ASAP2: variants seen among roughly 807,000 people sequenced by gnomAD.
ASAP2 encodes the protein arf-GAP with SH3 domain, ANK repeat and PH domain-containing protein 2.
ASAP2 carries 45 observed loss-of-function variants against 131.4 expected under a neutral mutation model. The observed-to-expected ratio is 0.34, with a 90% CI of 0.27 to 0.44. The LOEUF (loss-of-function observed/expected upper bound fraction) is 0.44. Among genes scored for constraint, ASAP2 ranks in the 20% least tolerant of loss-of-function variants. ASAP2 has a pLI of 1.00. For synonymous variants in ASAP2, 510 were observed against 503.0 expected, an observed-to-expected ratio of 1.01 and a Z score of -0.19; for missense variants, 1,011 against 1,297.0, an observed-to-expected ratio of 0.78 and a Z score of 3.39.
intron 1 of ASAP2, among the ~76,000 whole-genome samples, chr2:9,247,475 C>T (rs1398310507): frequency 2.6e-5 from 4 of 152,204 alleles, no homozygotes; most frequent in East Asian, 3.8e-4. Context: ...TTCGGTCCAT[C>T]GTCTAGCTTT....
intron 1 of ASAP2, among the ~76,000 whole-genome samples, chr2:9,229,651 C>A (rs13405805): frequency 0.21 from 32,287 of 152,114 alleles, 3,670 homozygotes; most frequent in African/African-American, 0.25. Flanking sequence ...GCCAGGATTG[C>A]CTGCGTTAGG....
At chr2:9,365,825 A>C (rs1212381329) in intron 15 of ASAP2, among the ~76,000 whole-genome samples, 1 of 152,196 alleles carries the variant, frequency 6.6e-6, no homozygotes, top group Non-Finnish European at 1.5e-5. Flanking sequence ...AGGGTGCCTC[A>C]TGCCTCATGC....
chr2:9,320,253 T>A, intron 4 of ASAP2, 35 bp from the exon 5 acceptor site: 12 of 1,557,910 alleles, frequency 7.7e-6, no homozygotes, highest in Non-Finnish European at 1.1e-5. Context: ...AAGTGAATGA[T>A]TAGTCTTGCC....
rs916111084 is a variant in ASAP2, at chr2:9,232,973, G to A, written c.126+25743G>A. Among the ~76,000 whole-genome samples the A allele has an allele frequency of 6.6e-6, 1 of 152,204 alleles. No individual in the cohort carries two copies. The highest frequency in any genetic ancestry group is 2.4e-5 in the African/African-American group (1 of 41,456). On this transcript the variant is annotated intron_variant, in intron 1 of 27. Coordinates refer to ENST00000281419, the MANE Select transcript of ASAP2 (RefSeq NM_003887.3). This position sits in a 1 kb window ranked among gnomAD's most constrained non-coding sequence, Gnocchi z 4.1. ...GCTGCAGTTTTGTTCTGTATCTATT[G>A]CCAGCAGGAATCCAAGGATTTCCTT...
At chr2:9,348,023 G>A (rs1412171182) in intron 11 of ASAP2, among the ~76,000 whole-genome samples, 1 of 152,228 alleles carries the variant, frequency 6.6e-6, no homozygotes, top group African/African-American at 2.4e-5. Context: ...ACTAAACTAG[G>A]GCTTCTCAAA....
intron 3 of ASAP2, among the ~76,000 whole-genome samples, chr2:9,316,040 C>T (rs1001730412): frequency 6.6e-6 from 1 of 152,004 alleles, no homozygotes; most frequent in South Asian, 2.1e-4. Flanking sequence ...AAATTTAGTC[C>T]AGGCGTGGTG....
intron 1 of ASAP2, among the ~76,000 whole-genome samples, chr2:9,226,553 T>C (rs1025707880): frequency 3.3e-5 from 5 of 152,160 alleles, no homozygotes; most frequent in African/African-American, 1.2e-4. Flanking sequence ...TGAAGGGCTT[T>C]GTGGTAAAGG....
At chr2:9,301,391 C>T (rs1668462253) in intron 3 of ASAP2, among the ~76,000 whole-genome samples, 1 of 152,274 alleles carries the variant, frequency 6.6e-6, no homozygotes, top group East Asian at 1.9e-4. Flanking sequence ...AAAGGGAAAA[C>T]CAGACGGCTC....
intron 2 of ASAP2, 42 bp downstream of exon 2, chr2:9,279,431 G>A (rs1414066836): frequency 1.3e-6 from 2 of 1,588,892 alleles, no homozygotes; most frequent in Non-Finnish European, 1.7e-6. Flanking sequence ...TGTGGAAAAT[G>A]TCGCATTTGA....
chr2:9,391,704 A>G (rs1001913717), intron 23 of ASAP2, among the ~76,000 whole-genome samples: 1 of 148,486 alleles, frequency 6.7e-6, no homozygotes, highest in Non-Finnish European at 1.5e-5. Context: ...CCTCCCAGGT[A>G]GCTGGGATTA....
intron 1 of ASAP2, chr2:9,271,503 C>T (rs534465082): frequency 1.4e-5 from 20 of 1,443,156 alleles, no homozygotes; most frequent in Non-Finnish European, 1.9e-5. Flanking sequence ...TAGTAAGGGC[C>T]TTCCTGCCGT....
rs1259541649 is a variant in ASAP2, at chr2:9,403,441, A to T, written c.*114A>T. ...TTTGTATGGCAGCCCATGTTCTCTA[A>T]TGCCACTGCTCTGTTTTAAAAACTC... On this transcript the variant is annotated 3_prime_UTR_variant, in exon 28 of 28. Transcript: ENST00000281419. The T allele has an allele frequency of 1.1e-6, 1 of 901,224 alleles. No individual in the cohort carries two copies. The allele number at this position is 901,224 out of a possible 1,614,324, so 55.8% of individuals were successfully genotyped here. A position where few individuals can be genotyped will look rare whatever the true frequency, so the allele number is the denominator to read the frequency against.
chr2:9,253,797 C>T (rs573418298), intron 1 of ASAP2, among the ~76,000 whole-genome samples: 1 of 152,176 alleles, frequency 6.6e-6, no homozygotes, highest in South Asian at 2.1e-4. Flanking sequence ...AGTAAGTTCC[C>T]CCTTAGCTGC....
intron 1 of ASAP2, among the ~76,000 whole-genome samples, chr2:9,252,296 T>C (rs1412809921): frequency 2.6e-5 from 4 of 152,102 alleles, no homozygotes; most frequent in Non-Finnish European, 5.9e-5. Context: ...ATAAGGCCTT[T>C]GGGGCTGTGC....
chr2:9,264,662 C>G (rs181476807), intron 1 of ASAP2, among the ~76,000 whole-genome samples: 28 of 152,164 alleles, frequency 1.8e-4, no homozygotes, highest in African/African-American at 6.3e-4. Flanking sequence ...TCACCGTCTT[C>G]TCTCCTCATC....
At chr2:9,367,285 G>A (rs1411714234) in intron 15 of ASAP2, among the ~76,000 whole-genome samples, 2 of 151,578 alleles carry the variant, frequency 1.3e-5, no homozygotes, top group Non-Finnish European at 2.9e-5. Flanking sequence ...CACCCGCCTC[G>A]GCCTCCCAAA....
intron 1 of ASAP2, among the ~76,000 whole-genome samples, chr2:9,264,711 A>G (rs372272948): frequency 2.6e-5 from 4 of 152,042 alleles, no homozygotes; most frequent in African/African-American, 9.7e-5. Flanking sequence ...CCTCTTCCAG[A>G]GTTTTTTTCT....
At chr2:9,368,587 A>G (rs1461330295) in intron 16 of ASAP2, 68 bp downstream of exon 16, 1 of 1,397,000 alleles carries the variant, frequency 7.2e-7, no homozygotes, top group African/African-American at 1.4e-5. Flanking sequence ...CCCGGGAGGC[A>G]GGGGAATAAG....
intron 9 of ASAP2, among the ~76,000 whole-genome samples, chr2:9,338,449 A>T (rs78245345): frequency 6.6e-6 from 1 of 152,138 alleles, no homozygotes; most frequent in Admixed American, 6.6e-5. Flanking sequence ...AAGGTCCACC[A>T]CAGCCATAAT....
Sources: allele counts gnomAD v4.1 joint callset (sites outside exome capture counted in the v4.1 genomes callset), GRCh38; gene constraint gnomAD v4.1.1; non-coding constraint Gnocchi (gnomAD v3.1); transcripts MANE v1.5; gene names NCBI Gene and HGNC (gene_info 2026-07-23, HGNC 2026-07-21).